LRBA: variants seen among roughly 807,000 people sequenced by gnomAD.
LRBA encodes lipopolysaccharide-responsive and beige-like anchor protein.
A neutral mutation model predicts 330.0 loss-of-function variants in LRBA; 176 were observed. The observed-to-expected ratio is 0.53, with a 90% CI of 0.47 to 0.60. The LOEUF is 0.60. Ranked by LOEUF, LRBA falls within the 20% of genes least tolerant of loss-of-function variation. The pLI, the probability that LRBA is intolerant of heterozygous loss-of-function variation, is 0.00. For missense variants in LRBA, 3,259 were observed against 3,444.8 expected, an observed-to-expected ratio of 0.95 and a Z score of 1.35; for synonymous variants, 1,230 against 1,193.0, an observed-to-expected ratio of 1.03 and a Z score of -0.64.
chr4:150,761,390 C>A (rs1216699524), intron 35 of LRBA, among the ~76,000 whole-genome samples: 1 of 151,856 alleles, frequency 6.6e-6, no homozygotes, highest in Non-Finnish European at 1.5e-5. Flanking sequence ...GAAACTTGTC[C>A]CCCCTCCCAT....
intron 40 of LRBA, among the ~76,000 whole-genome samples, chr4:150,529,946 T>C (rs1486070135): frequency 6.6e-6 from 1 of 152,220 alleles, no homozygotes; most frequent in Non-Finnish European, 1.5e-5. Flanking sequence ...TCTAGAGTAT[T>C]TAAAAACTAG....
chr4:150,913,052 G>A (rs1005116841), intron 9 of LRBA, among the ~76,000 whole-genome samples: 1 of 152,028 alleles, frequency 6.6e-6, no homozygotes, highest in African/African-American at 2.4e-5. Context: ...TTGGCAACTG[G>A]TTTCTAGTTT....
intron 17 of LRBA, among the ~76,000 whole-genome samples, chr4:150,876,010 G>T (rs2127022486): frequency 6.6e-6 from 1 of 152,248 alleles, no homozygotes; most frequent in Admixed American, 6.5e-5. Flanking sequence ...GGAGATGAAT[G>T]GGATTAAACA....
intron 37 of LRBA, among the ~76,000 whole-genome samples, chr4:150,639,858 TATATATATATATA>T: frequency 1.2e-5 from 1 of 81,238 alleles, no homozygotes; most frequent in Non-Finnish European, 2.4e-5. Flanking sequence ...TATATATATA[TATATATATATATA>T]TTTAGATGGA....
At chr4:150,509,642 G>A (rs1761599148) in intron 40 of LRBA, among the ~76,000 whole-genome samples, 1 of 146,354 alleles carries the variant, frequency 6.8e-6, no homozygotes, top group Non-Finnish European at 1.5e-5. Flanking sequence ...TTTAAAAAAA[G>A]ATCAATAAAA....
At chr4:150,565,750 G>C (rs1769043412) in intron 40 of LRBA, among the ~76,000 whole-genome samples, 1 of 151,850 alleles carries the variant, frequency 6.6e-6, no homozygotes, top group Non-Finnish European at 1.5e-5. Context: ...CCACCTAAGA[G>C]TTATTCTAAA....
intron 37 of LRBA, among the ~76,000 whole-genome samples, chr4:150,633,486 C>T (rs1360983824): frequency 6.6e-6 from 1 of 152,194 alleles, no homozygotes; most frequent in Non-Finnish European, 1.5e-5. Context: ...TCAATTTCAA[C>T]ACAGTCAAAA....
chr4:150,483,079 C>T (rs1757474620), intron 42 of LRBA, among the ~76,000 whole-genome samples: 1 of 152,008 alleles, frequency 6.6e-6, no homozygotes, highest in African/African-American at 2.4e-5. Flanking sequence ...AAAGATTTTT[C>T]TCCTATGTGT....
At chr4:150,626,812 C>T (rs1375573064) in intron 37 of LRBA, among the ~76,000 whole-genome samples, 4 of 151,982 alleles carry the variant, frequency 2.6e-5, no homozygotes, top group African/African-American at 9.7e-5. Flanking sequence ...ACCTTAATTC[C>T]GTATCAAAAA....
chr4:150,821,288 CATT>C (rs1352690025), intron 30 of LRBA, among the ~76,000 whole-genome samples: 1 of 151,898 alleles, frequency 6.6e-6, no homozygotes, highest in Non-Finnish European at 1.5e-5. Context: ...TTCTTATTAT[CATT>C]TTTTTCTTTA....
intron 54 of LRBA, 70 bp from the exon 55 acceptor site, chr4:150,282,716 C>A: frequency 9.0e-7 from 1 of 1,106,524 alleles, no homozygotes; most frequent in Non-Finnish European, 1.3e-6. Flanking sequence ...GAATCTTGAG[C>A]ACAGATCAAA....
At chr4:150,352,109 T>C (rs1471895776) in intron 47 of LRBA, among the ~76,000 whole-genome samples, 1 of 152,218 alleles carries the variant, frequency 6.6e-6, no homozygotes, top group East Asian at 1.9e-4. Context: ...TCATTGAAAT[T>C]GATTTTTATT....
intron 36 of LRBA, among the ~76,000 whole-genome samples, chr4:150,719,797 G>C (rs955527887): frequency 6.6e-6 from 1 of 152,026 alleles, no homozygotes; most frequent in East Asian, 1.9e-4. Flanking sequence ...AACAAATACT[G>C]GTGAAGCAAG....
intron 37 of LRBA, among the ~76,000 whole-genome samples, chr4:150,615,863 C>T (rs966826466): frequency 7.2e-5 from 11 of 152,128 alleles, no homozygotes; most frequent in African/African-American, 2.2e-4. Flanking sequence ...CTTCCAAACC[C>T]GGCCAATAAA....
intron 56 of LRBA, among the ~76,000 whole-genome samples, chr4:150,270,327 C>A (rs1343115883): frequency 6.6e-6 from 1 of 152,202 alleles, no homozygotes; most frequent in Non-Finnish European, 1.5e-5. Flanking sequence ...TGTCCATCAT[C>A]AACAGGTGAA....
intron 48 of LRBA, among the ~76,000 whole-genome samples, chr4:150,334,628 AG>A (rs1488205615): frequency 6.6e-6 from 1 of 151,916 alleles, no homozygotes; most frequent in Non-Finnish European, 1.5e-5. Flanking sequence ...TCTCTGATGG[AG>A]GAAGGATGAA....
At position 150,583,912 on chromosome 4, in the gene LRBA, T is replaced by G. The variant is rs1771749177; in HGVS notation, c.6330+4136A>C. 3 of 1,612,770 alleles carry G rather than the reference T, an allele frequency of 1.9e-6. No individual in the cohort carries two copies. Among genetic ancestry groups the G allele is most frequent in the Admixed American group, 1.7e-5 (1 of 59,894 alleles). ...ACGAGAAACGGACTGGGACGAGTCG[T>G]GCCTGGGCGACCGGCTCAACGGCAT... On this transcript the variant is annotated intron_variant, in intron 40 of 56. Transcript: ENST00000651943. This position sits in a 1 kb window ranked among gnomAD's most constrained non-coding sequence, Gnocchi z 9.8.
intron 28 of LRBA, among the ~76,000 whole-genome samples, chr4:150,834,627 A>C (rs919824274): frequency 5.9e-5 from 9 of 152,234 alleles, no homozygotes; most frequent in African/African-American, 2.2e-4. Flanking sequence ...TATAGAGCAC[A>C]GGCAGAGTAG....
At chr4:150,689,298 G>A (rs1249322442) in intron 36 of LRBA, among the ~76,000 whole-genome samples, 3 of 151,914 alleles carry the variant, frequency 2.0e-5, no homozygotes, top group South Asian at 2.1e-4. Flanking sequence ...ATCATACACC[G>A]GGGCCTGTAT....
Sources: gnomAD v4.1 joint callset for allele counts (sites outside exome capture counted in the v4.1 genomes callset) on GRCh38, gnomAD v4.1.1 for gene constraint, Gnocchi (gnomAD v3.1) non-coding constraint, MANE v1.5 for transcripts, NCBI Gene and HGNC (gene_info 2026-07-23, HGNC 2026-07-21) for gene names.